ANKS1B: variants seen among roughly 807,000 people sequenced by gnomAD.
The protein encoded by ANKS1B is ankyrin repeat and sterile alpha motif domain-containing protein 1B.
Under a neutral mutation model 148.3 loss-of-function variants are expected in ANKS1B, and 36 were observed. The ratio of observed to expected loss-of-function variants is 0.24; its 90% CI spans 0.19 to 0.32. The LOEUF (loss-of-function observed/expected upper bound fraction) is 0.32. Among genes scored for constraint, ANKS1B ranks in the 10% least tolerant of loss-of-function variants. The pLI, the probability that ANKS1B is intolerant of heterozygous loss-of-function variation, is 1.00. For missense variants in ANKS1B, 1,157 were observed against 1,542.6 expected (o/e 0.75, Z 4.19); for synonymous variants, 542 against 560.8 (o/e 0.97, Z 0.47).
chr12:98,904,164 G>C lies in ANKS1B; in HGVS notation c.2779-72028C>G, dbSNP rs191378031. ...CACAAATCCAAGTGAGAAATGATGAGAGGCTGAAGCAAGGGCTATGGGGGT... is the reference window on the plus strand; with the variant it reads ...CACAAATCCAAGTGAGAAATGATGACAGGCTGAAGCAAGGGCTATGGGGGT... On this transcript the variant is annotated intron_variant, in intron 17 of 26. Coordinates refer to ENST00000683438, the MANE Select transcript of ANKS1B (RefSeq NM_001352186.2). Among the ~76,000 whole-genome samples the C allele has an allele frequency of 2.2e-3, 339 of 152,126 alleles. 1 individual carries two copies. Among genetic ancestry groups the C allele is most frequent in the Middle Eastern group, 0.01 (3 of 294 alleles).
intron 9 of ANKS1B, among the ~76,000 whole-genome samples, chr12:99,589,707 C>T (rs189995478): frequency 7.2e-5 from 11 of 152,172 alleles, no homozygotes; most frequent in African/African-American, 2.6e-4. Flanking sequence ...TCCATCAGAA[C>T]ATAATTCAGA....
At chr12:99,368,707 A>G (rs1294543294) in intron 12 of ANKS1B, among the ~76,000 whole-genome samples, 5 of 152,170 alleles carry the variant, frequency 3.3e-5, no homozygotes, top group Admixed American at 6.5e-5. Flanking sequence ...TGGTTGAGAA[A>G]AGAAAACGGA....
chr12:99,039,552 G>C (rs1203667064), intron 17 of ANKS1B, among the ~76,000 whole-genome samples: 1 of 152,186 alleles, frequency 6.6e-6, no homozygotes, highest in Admixed American at 6.5e-5. Context: ...TCTTGCCCCA[G>C]TGGAATAAGG....
intron 10 of ANKS1B, among the ~76,000 whole-genome samples, chr12:99,457,847 A>G (rs759225951): frequency 5.9e-5 from 9 of 152,232 alleles, no homozygotes; most frequent in Admixed American, 3.9e-4. Context: ...TCAATATTCC[A>G]CAGACAGCAG....
intron 1 of ANKS1B, among the ~76,000 whole-genome samples, chr12:99,936,673 T>C (rs1281076224): frequency 6.6e-6 from 1 of 152,174 alleles, no homozygotes; most frequent in Non-Finnish European, 1.5e-5. Context: ...TTGGCTGCCT[T>C]GTCTGTTACT....
chr12:98,967,665 G>T (rs1473763418), intron 17 of ANKS1B, among the ~76,000 whole-genome samples: 4 of 127,966 alleles, frequency 3.1e-5, no homozygotes, highest in Non-Finnish European at 6.5e-5. Flanking sequence ...GGGAGAGGAG[G>T]GGAGGGGAGG....
At chr12:99,822,116 C>T (rs998277451) in intron 2 of ANKS1B, among the ~76,000 whole-genome samples, 4 of 151,944 alleles carry the variant, frequency 2.6e-5, no homozygotes, top group African/African-American at 9.7e-5. Context: ...TAAATTTATA[C>T]ATTTTAAGAG....
chr12:98,963,028 T>G (rs1346461448), intron 17 of ANKS1B, among the ~76,000 whole-genome samples: 1 of 151,754 alleles, frequency 6.6e-6, no homozygotes, highest in East Asian at 1.9e-4. Context: ...ACAATGCATC[T>G]TAAAGAACTA....
At chr12:99,151,942 C>A (rs1275737963) in intron 15 of ANKS1B, among the ~76,000 whole-genome samples, 2 of 152,108 alleles carry the variant, frequency 1.3e-5, no homozygotes, top group Non-Finnish European at 2.9e-5. Flanking sequence ...GAGTGTGGTG[C>A]TTGTTGCTTA....
chr12:99,372,858 T>C (rs1247624593), intron 12 of ANKS1B, among the ~76,000 whole-genome samples: 1 of 152,282 alleles, frequency 6.6e-6, no homozygotes, highest in Non-Finnish European at 1.5e-5. Context: ...GAAATTATCA[T>C]GTCTCATCTG....
chr12:99,763,376 A>C (rs937845488), intron 8 of ANKS1B, among the ~76,000 whole-genome samples: 5 of 152,218 alleles, frequency 3.3e-5, no homozygotes, highest in Non-Finnish European at 2.9e-5. Context: ...TATCCTAAGC[A>C]AATTAACACA....
At chr12:99,258,031 T>C (rs1367747419) in intron 12 of ANKS1B, among the ~76,000 whole-genome samples, 2 of 152,184 alleles carry the variant, frequency 1.3e-5, no homozygotes, top group Non-Finnish European at 2.9e-5. Context: ...TCTCTCAGAG[T>C]ACCTAGACTG....
chr12:99,860,745 A>G (rs2089916574), intron 1 of ANKS1B, among the ~76,000 whole-genome samples: 1 of 152,196 alleles, frequency 6.6e-6, no homozygotes, highest in African/African-American at 2.4e-5. Flanking sequence ...TGGGTAAAAT[A>G]ACAAGATTTT....
chr12:99,890,116 C>A lies in ANKS1B; in HGVS notation c.135-64727G>T, dbSNP rs185752908. ...TAACTCAGAGTTAGGTGAAGAAAAT[C>A]AAACTTGGAGAGATAATTATAATAG... On this transcript the variant is annotated intron_variant, in intron 1 of 26. Coordinates refer to ENST00000683438, the MANE Select transcript of ANKS1B (RefSeq NM_001352186.2). Among the ~76,000 whole-genome samples the A allele has an allele frequency of 5.2e-3, 786 of 152,236 alleles. 1 individual carries two copies. The highest frequency in any genetic ancestry group is 8.0e-3 in the Non-Finnish European group (542 of 68,018).
At chr12:99,495,342 AGTGTGTGTGTGTGT>A (rs56107230) in intron 10 of ANKS1B, among the ~76,000 whole-genome samples, 9 of 145,396 alleles carry the variant, frequency 6.2e-5, no homozygotes, top group East Asian at 4.1e-4. Flanking sequence ...GGGGAGAAAA[AGTGTGTGTGTGTGT>A]GTGTGTGTGT....
chr12:99,523,916 G>A (rs2096901437), intron 9 of ANKS1B, among the ~76,000 whole-genome samples: 2 of 152,176 alleles, frequency 1.3e-5, no homozygotes, highest in African/African-American at 4.8e-5. Context: ...AAGATGCTAA[G>A]TAAATGAGAG....
At chr12:99,671,526 A>C (rs965567881) in intron 8 of ANKS1B, among the ~76,000 whole-genome samples, 3 of 152,142 alleles carry the variant, frequency 2.0e-5, no homozygotes, top group Admixed American at 6.6e-5. Context: ...TATTGTATAC[A>C]TATTATTTCT....
At chr12:99,711,236 C>A (rs1249921811) in intron 8 of ANKS1B, among the ~76,000 whole-genome samples, 1 of 152,076 alleles carries the variant, frequency 6.6e-6, no homozygotes, top group Admixed American at 6.6e-5. Flanking sequence ...ATGCACCATG[C>A]TAATGTTATT....
intron 17 of ANKS1B, among the ~76,000 whole-genome samples, chr12:98,868,230 C>T (rs1053698691): frequency 2.0e-5 from 3 of 151,994 alleles, no homozygotes; most frequent in Admixed American, 6.5e-5. Context: ...ACCCTGGGCC[C>T]GAGGGGGCTG....
Sources: gnomAD v4.1 joint callset for allele counts (sites outside exome capture counted in the v4.1 genomes callset) on GRCh38, gnomAD v4.1.1 for gene constraint, MANE v1.5 for transcripts, NCBI Gene and HGNC (gene_info 2026-07-23, HGNC 2026-07-21) for gene names.